Variants in SDK1 observed in about 807,000 individuals in gnomAD.
SDK1 encodes protein sidekick-1.
In SDK1, 157 loss-of-function variants were observed where a neutral mutation model predicts 245.5. The observed-to-expected ratio is 0.64, with a 90% CI of 0.56 to 0.73. The LOEUF (loss-of-function observed/expected upper bound fraction) is 0.73. Ranked by LOEUF, SDK1 falls within the 30% of genes least tolerant of loss-of-function variation. SDK1 has a pLI of 0.00. For missense variants in SDK1, 3,583 were observed against 3,002.3 expected, an observed-to-expected ratio of 1.19 and a Z score of -4.52; for synonymous variants, 1,647 against 1,278.5, an observed-to-expected ratio of 1.29 and a Z score of -6.15.
At chr7:4,203,481 G>C (rs1289673204) in intron 35 of SDK1, among the ~76,000 whole-genome samples, 1 of 151,694 alleles carries the variant, frequency 6.6e-6, no homozygotes, top group Non-Finnish European at 1.5e-5. Flanking sequence ...GCAGACGCCA[G>C]CAATTGCCGG....
chr7:4,191,256 G>A (rs1043920505), intron 35 of SDK1, among the ~76,000 whole-genome samples: 16 of 151,954 alleles, frequency 1.1e-4, no homozygotes, highest in African/African-American at 3.1e-4. Flanking sequence ...CCCCCGCCGC[G>A]GTCACATGGG....
intron 4 of SDK1, among the ~76,000 whole-genome samples, chr7:3,720,670 T>C (rs570061923): frequency 5.3e-5 from 8 of 151,564 alleles, no homozygotes; most frequent in Admixed American, 3.9e-4. Flanking sequence ...AAATAGGGAG[T>C]TGAGAATTTC....
At chr7:3,674,793 G>T (rs538209845) in intron 4 of SDK1, among the ~76,000 whole-genome samples, 1 of 152,232 alleles carries the variant, frequency 6.6e-6, no homozygotes, top group East Asian at 1.9e-4. Context: ...CTTTCTATAA[G>T]GAGTTGGACA....
chr7:4,207,018 G>A (rs762960550), intron 36 of SDK1, among the ~76,000 whole-genome samples: 2 of 152,230 alleles, frequency 1.3e-5, no homozygotes, highest in African/African-American at 4.8e-5. Context: ...TTTCCTTAAT[G>A]ATAAAGACAC....
intron 4 of SDK1, among the ~76,000 whole-genome samples, chr7:3,812,068 A>G (rs1779398604): frequency 6.6e-6 from 1 of 152,214 alleles, no homozygotes; most frequent in African/African-American, 2.4e-5. Context: ...CTTGCCAGTA[A>G]GATATCCCCT....
intron 4 of SDK1, among the ~76,000 whole-genome samples, chr7:3,750,347 C>T (rs1401928093): frequency 2.0e-5 from 3 of 152,188 alleles, no homozygotes; most frequent in South Asian, 2.1e-4. Flanking sequence ...ATCCTGTGCT[C>T]AATCCACAAG....
At chr7:3,421,632 T>C (rs1779538658) in intron 1 of SDK1, among the ~76,000 whole-genome samples, 1 of 152,228 alleles carries the variant, frequency 6.6e-6, no homozygotes, top group Admixed American at 6.5e-5. Flanking sequence ...GGACATTTTC[T>C]ACATTGCGTG....
intron 4 of SDK1, among the ~76,000 whole-genome samples, chr7:3,718,223 G>C (rs1014752783): frequency 6.6e-6 from 1 of 152,114 alleles, no homozygotes; most frequent in African/African-American, 2.4e-5. Flanking sequence ...CACTCAGCTG[G>C]TTGCGGTGGC....
At chr7:3,441,624 G>A (rs1181069029) in intron 1 of SDK1, among the ~76,000 whole-genome samples, 1 of 152,116 alleles carries the variant, frequency 6.6e-6, no homozygotes, top group Admixed American at 6.5e-5. Flanking sequence ...CATAATTCCT[G>A]AAGTCAGGTA....
chr7:3,418,715 A>C (rs139479694), intron 1 of SDK1, among the ~76,000 whole-genome samples: 1 of 152,194 alleles, frequency 6.6e-6, no homozygotes, highest in African/African-American at 2.4e-5. Flanking sequence ...TACATCGGCG[A>C]TACTGTTACA....
chr7:4,084,695 T>C (rs1193605662), intron 22 of SDK1, among the ~76,000 whole-genome samples: 4 of 135,972 alleles, frequency 2.9e-5, no homozygotes, highest in Non-Finnish European at 6.3e-5. Context: ...TGTTATGTTA[T>C]GTTATGTTAT....
At chr7:3,585,733 C>T (rs1780665212) in intron 1 of SDK1, among the ~76,000 whole-genome samples, 1 of 152,118 alleles carries the variant, frequency 6.6e-6, no homozygotes, top group South Asian at 2.1e-4. Context: ...CTAGACAGTA[C>T]ATCAGGATTG....
intron 14 of SDK1, among the ~76,000 whole-genome samples, chr7:3,990,978 G>C (rs986835524): frequency 6.6e-6 from 1 of 152,216 alleles, no homozygotes; most frequent in African/African-American, 2.4e-5. Context: ...AAGCCAGCTG[G>C]GCATCTGCTC....
At position 3,301,664 on chromosome 7, in the gene SDK1, G is replaced by T; in HGVS notation, c.78G>T (p.Gly26=). The T allele has an allele frequency of 2.0e-6, 2 of 976,066 alleles. No homozygotes were observed. The highest frequency in any genetic ancestry group is 2.4e-6 in the Non-Finnish European group (2 of 825,716). 60.5% of individuals were successfully genotyped at this position (976,066 alleles called of 1,614,324 possible). Residue 26 remains glycine (G), a synonymous_variant, in exon 1 of 45, where the codon GGG becomes GGT. Transcript: ENST00000404826. The stretch of plus-strand genomic sequence containing the variant: ...AGCCCCCTGAGCGCGCGGGCCCCGG[G>T]CGGCCGCGGGGATCCCCGCCCGGCC... ...GAEPPERAGP[G]RPRGSPPGRA...
At chr7:3,428,196 G>A (rs1276411398) in intron 1 of SDK1, among the ~76,000 whole-genome samples, 3 of 152,216 alleles carry the variant, frequency 2.0e-5, no homozygotes, top group Non-Finnish European at 4.4e-5. Context: ...CATGGATCAT[G>A]ATACAGATCT....
At chr7:3,805,885 C>T (rs1418080112) in intron 4 of SDK1, among the ~76,000 whole-genome samples, 1 of 152,150 alleles carries the variant, frequency 6.6e-6, no homozygotes, top group Non-Finnish European at 1.5e-5. Flanking sequence ...CCCTTTTTCT[C>T]CTTCCAAGTC....
At chr7:3,569,541 T>G (rs944195734) in intron 1 of SDK1, among the ~76,000 whole-genome samples, 1 of 152,254 alleles carries the variant, frequency 6.6e-6, no homozygotes, top group African/African-American at 2.4e-5. Context: ...TTGGAGATCC[T>G]CTGCTGCTGA....
chr7:4,113,982 G>C lies in SDK1; in HGVS notation c.3586-55G>C, dbSNP rs192474845. 7.9e-4 allele frequency: 1,187 copies of C among 1,494,156 alleles called. 1 individual carries two copies. Among genetic ancestry groups the C allele is most frequent in the Non-Finnish European group, 1.1e-3 (1,138 of 1,077,724 alleles). 92.6% of individuals were successfully genotyped at this position (1,494,156 alleles called of 1,614,324 possible). A position where few individuals can be genotyped will look rare whatever the true frequency, so the allele number is the denominator to read the frequency against. The stretch of plus-strand genomic sequence containing the variant: ...AGGGCAGGCCCATCCCTTACAACCC[G>C]TGAGGGTGGCAGTTCTGAGATGTCA... On this transcript the variant is annotated intron_variant, in intron 24 of 44. Coordinates refer to ENST00000404826, the MANE Select transcript of SDK1 (RefSeq NM_152744.4).
intron 28 of SDK1, among the ~76,000 whole-genome samples, chr7:4,138,959 C>G (rs945751056): frequency 1.3e-5 from 2 of 152,158 alleles, no homozygotes; most frequent in African/African-American, 4.8e-5. Flanking sequence ...CCGGAGCCTG[C>G]TAGGTTTTGA....
Sources: allele counts gnomAD v4.1 joint callset (sites outside exome capture counted in the v4.1 genomes callset), GRCh38; gene constraint gnomAD v4.1.1; transcripts MANE v1.5; gene names NCBI Gene and HGNC (gene_info 2026-07-23, HGNC 2026-07-21).